Variants in POMT2 observed in about 807,000 individuals in gnomAD.
The protein encoded by POMT2 is protein O-mannosyltransferase 2, also known as protein O-mannosyl-transferase 2.
A neutral mutation model predicts 100.0 loss-of-function variants in POMT2; 75 were observed. The ratio of observed to expected loss-of-function variants is 0.75; its 90% CI spans 0.62 to 0.91. The LOEUF is 0.91. Ranked by LOEUF, POMT2 falls within the 40% of genes least tolerant of loss-of-function variation. The pLI, the probability that POMT2 is intolerant of heterozygous loss-of-function variation, is 0.00. For synonymous variants in POMT2, 378 were observed against 374.1 expected (o/e 1.01, Z -0.12); for missense variants, 940 against 955.1 (o/e 0.98, Z 0.21).
chr14:77,291,230 T>C (rs919490750), intron 10 of POMT2, 84 bp downstream of exon 10: 2 of 1,321,740 alleles, frequency 1.5e-6, no homozygotes, highest in Non-Finnish European at 2.2e-6. Flanking sequence ...CATCTCAGGA[T>C]CATTCTTTTG....
intron 15 of POMT2, among the ~76,000 whole-genome samples, chr14:77,280,726 T>C (rs929037560): frequency 4.6e-5 from 6 of 131,332 alleles, no homozygotes; most frequent in Non-Finnish European, 8.3e-5. Context: ...ATTGTTCCAA[T>C]GGGCACAAAA....
rs1890396190 is a variant in POMT2 at position 77,285,584 on chromosome 14, T to C, written c.1381A>G (p.Arg461Gly). 3 of 1,613,744 alleles carry C rather than the reference T, an allele frequency of 1.9e-6. No homozygotes were observed. The East Asian group carries it at 6.7e-5, about 36-fold the overall frequency. Residue 461 changes from arginine (R) to glycine (G), a missense_variant, in exon 13 of 21, where the codon AGG becomes GGG. Physicochemically the swap from Arg to Gly is moderately radical, Grantham distance 125. Coordinates refer to ENST00000261534, the MANE Select transcript of POMT2 (RefSeq NM_013382.7). ...NDFWRIEVVN[R>G]KFGNRIKVLR... ...ACTTTGATCCGGTTTCCAAATTTCC[T>C]GTTTACGACCTCAATCCGCCAGAAA...
chr14:77,297,941 G>A (rs1450438772), intron 8 of POMT2, among the ~76,000 whole-genome samples: 2 of 152,048 alleles, frequency 1.3e-5, no homozygotes, highest in Non-Finnish European at 2.9e-5. Flanking sequence ...AGGTCTCCAC[G>A]GCCTGTTTTA....
chr14:77,286,883 C>T (rs1890445463), intron 11 of POMT2, 61 bp from the exon 12 acceptor site: 1 of 1,612,156 alleles, frequency 6.2e-7, no homozygotes, highest in Non-Finnish European at 8.5e-7. Flanking sequence ...AACATTTCTT[C>T]TTTTACCAAG....
In POMT2 at chr14:77,277,314, C is replaced by CT; in HGVS notation, c.*61dup. The CT allele has an allele frequency of 7.0e-7, 1 of 1,420,604 alleles. No homozygotes were observed. Among genetic ancestry groups the CT allele is most frequent in the Non-Finnish European group, 9.9e-7 (1 of 1,007,590 alleles). The allele number at this position is 1,420,604 out of a possible 1,614,324, so 88.0% of individuals were successfully genotyped here. ...TTCCTCATGGCCGGATGGTCCAGTA[C>CT]TGCTTCCCAGCTGGCTCTCCTGGGA... On this transcript the variant is annotated 3_prime_UTR_variant, in exon 21 of 21. Coordinates refer to ENST00000261534, the MANE Select transcript of POMT2 (RefSeq NM_013382.7).
chr14:77,301,070 G>A lies in POMT2; in HGVS notation c.816+20C>T. The stretch of plus-strand genomic sequence containing the variant: ...ATCAGGGAGCAAAAACATTTCCACA[G>A]CAAACCCTTGGGTGCTCACCAATGA... On this transcript the variant is annotated intron_variant, in intron 6 of 20. Coordinates refer to ENST00000261534, the MANE Select transcript of POMT2 (RefSeq NM_013382.7). The A allele has an allele frequency of 6.2e-7, 1 of 1,613,762 alleles. No homozygotes were observed. Among genetic ancestry groups the A allele is most frequent in the Non-Finnish European group, 8.5e-7 (1 of 1,179,806 alleles).
chr14:77,304,683 A>G lies in POMT2; in HGVS notation c.547+9T>C. The G allele has an allele frequency of 6.3e-7, 1 of 1,575,154 alleles. No homozygotes were observed. The highest frequency in any genetic ancestry group is 1.2e-5 in the South Asian group (1 of 85,568). ...TCCCAAAAGCCATGGTATGGCTAAG[A>G]CAACTTACCAAAGGTGAGGAGGGCA... On this transcript the variant is annotated intron_variant, in intron 4 of 20. Transcript: ENST00000261534.
rs779728610 is a variant in POMT2, at chr14:77,320,629, C to T, written c.53G>A (p.Arg18Lys). ...GLAESELRPR[R>K]GRCGPQAARA... ...AGCAGCCTGGGGGCCACAGCGGCCC[C>T]TCCGGGGACGCAGCTCGGACTCTGC... Residue 18 changes from arginine (R) to lysine (K), a missense_variant, in exon 1 of 21, where the codon AGG (arginine) becomes AAG (lysine). Arg to Lys is a conservative substitution (Grantham distance 26, BLOSUM62 2). Coordinates refer to ENST00000261534, the MANE Select transcript of POMT2 (RefSeq NM_013382.7). 5.0e-6 allele frequency: 8 copies of T among 1,592,132 alleles called. No homozygotes were observed. Among genetic ancestry groups the T allele is most frequent in the South Asian group, 1.1e-5 (1 of 90,456 alleles).
At chr14:77,309,457 C>A (rs1891360458) in intron 2 of POMT2, among the ~76,000 whole-genome samples, 1 of 152,120 alleles carries the variant, frequency 6.6e-6, no homozygotes, top group South Asian at 2.1e-4. Context: ...GATTCCTTGA[C>A]TGGCTTGGCC....
At chr14:77,309,828 G>A (rs1030455695) in intron 2 of POMT2, among the ~76,000 whole-genome samples, 3 of 152,038 alleles carry the variant, frequency 2.0e-5, no homozygotes, top group African/African-American at 2.4e-5. Context: ...GACTACAGAC[G>A]TGTGCCACCA....
chr14:77,308,686 T>C, intron 2 of POMT2: 1 of 422,186 alleles, frequency 2.4e-6, no homozygotes, highest in Non-Finnish European at 4.7e-6. Context: ...ATCGTACCAG[T>C]GCTGGCAATG....
intron 10 of POMT2, among the ~76,000 whole-genome samples, chr14:77,289,553 G>A (rs1484694019): frequency 6.6e-6 from 1 of 152,186 alleles, no homozygotes; most frequent in Non-Finnish European, 1.5e-5. Flanking sequence ...ATGAGGCACT[G>A]AAGCCCCCAC....
chr14:77,307,987 G>A (rs910036650), intron 2 of POMT2, among the ~76,000 whole-genome samples: 7 of 142,444 alleles, frequency 4.9e-5, no homozygotes, highest in Non-Finnish European at 7.5e-5. Context: ...TCAGCCTCCC[G>A]CATAGCTGGG....
intron 15 of POMT2, among the ~76,000 whole-genome samples, chr14:77,281,015 A>C (rs879593907): frequency 5.3e-5 from 8 of 152,050 alleles, no homozygotes; most frequent in Non-Finnish European, 8.8e-5. Context: ...AACCACTTGA[A>C]CCCAAGAGGC....
intron 14 of POMT2, 127 bp downstream of exon 14, chr14:77,284,823 T>G: frequency 1.3e-6 from 1 of 791,428 alleles, no homozygotes; most frequent in South Asian, 1.5e-5. Context: ...AGAAAGAGAG[T>G]GTTAACAAGG....
chr14:77,312,361 T>G (rs1347591202), intron 1 of POMT2: 1 of 277,476 alleles, frequency 3.6e-6, no homozygotes. Flanking sequence ...ATGGAAAGGT[T>G]TGTAGTAAGA....
intron 4 of POMT2, 95 bp downstream of exon 4, chr14:77,304,597 C>A: frequency 6.5e-7 from 1 of 1,530,052 alleles, no homozygotes. Flanking sequence ...TGAACTGGAC[C>A]CACATATAGG....
chr14:77,316,367 G>C (rs1158688698), intron 1 of POMT2, among the ~76,000 whole-genome samples: 2 of 152,030 alleles, frequency 1.3e-5, no homozygotes, highest in African/African-American at 4.8e-5. Context: ...GAGGTCAGGA[G>C]TTCAAGACCA....
intron 9 of POMT2, among the ~76,000 whole-genome samples, chr14:77,295,921 A>G (rs11627257): frequency 9.9e-5 from 15 of 151,886 alleles, no homozygotes; most frequent in Non-Finnish European, 2.1e-4. Flanking sequence ...AGGTGCCACC[A>G]AGCCTCTCAT....
Sources: gnomAD v4.1 joint callset for allele counts (sites outside exome capture counted in the v4.1 genomes callset) on GRCh38, gnomAD v4.1.1 for gene constraint, MANE v1.5 for transcripts, NCBI Gene and HGNC (gene_info 2026-07-23, HGNC 2026-07-21) for gene names.